XKR6: variants seen among roughly 807,000 people sequenced by gnomAD.
XKR6 encodes XK related 6.
XKR6 carries 22 observed loss-of-function variants against 56.7 expected under a neutral mutation model. The ratio of observed to expected loss-of-function variants is 0.39; its 90% CI spans 0.28 to 0.55. The LOEUF is 0.55. XKR6 is among the 20% of genes least tolerant of loss of function. The pLI is 0.66. For synonymous variants in XKR6, 524 were observed against 387.8 expected, an observed-to-expected ratio of 1.35 and a Z score of -4.13; for missense variants, 852 against 889.0, an observed-to-expected ratio of 0.96 and a Z score of 0.53.
intron 1 of XKR6, among the ~76,000 whole-genome samples, chr8:10,982,757 AC>A (rs1797763414): frequency 6.6e-6 from 1 of 152,174 alleles, no homozygotes; most frequent in Non-Finnish European, 1.5e-5. Context: ...TGTGACCTTA[AC>A]CTGCTGTGGT....
chr8:11,086,139 T>TATATATAC (rs1382949690), intron 1 of XKR6, among the ~76,000 whole-genome samples: 1 of 116,118 alleles, frequency 8.6e-6, no homozygotes, highest in African/African-American at 4.3e-5. Flanking sequence ...AGAAAATATA[T>TATATATAC]ATATATATAT....
At chr8:10,973,491 C>A (rs1802465569) in intron 1 of XKR6, among the ~76,000 whole-genome samples, 1 of 152,316 alleles carries the variant, frequency 6.6e-6, no homozygotes, top group Admixed American at 6.5e-5. Flanking sequence ...CCCTCTGAAA[C>A]CTATTTTATC....
At chr8:11,044,763 C>A (rs1390080144) in intron 1 of XKR6, among the ~76,000 whole-genome samples, 2 of 151,760 alleles carry the variant, frequency 1.3e-5, no homozygotes, top group South Asian at 4.2e-4. Context: ...GGACTACAGG[C>A]GAATGCCACC....
intron 1 of XKR6, among the ~76,000 whole-genome samples, chr8:11,163,850 G>A (rs918091826): frequency 6.6e-6 from 1 of 152,120 alleles, no homozygotes; most frequent in Admixed American, 6.5e-5. Context: ...TAAATGAAGG[G>A]TTGGAACTTA....
chr8:11,167,024 C>A (rs939469663), intron 1 of XKR6, among the ~76,000 whole-genome samples: 10 of 152,018 alleles, frequency 6.6e-5, no homozygotes, highest in African/African-American at 2.4e-4. Context: ...GCGTGTGTGG[C>A]GGTGGTAGAA....
At chr8:10,957,046 G>A (rs1801911006) in intron 1 of XKR6, among the ~76,000 whole-genome samples, 1 of 152,168 alleles carries the variant, frequency 6.6e-6, no homozygotes, top group African/African-American at 2.4e-5. Context: ...TGCCTCCTGG[G>A]TTCAAGCAAT....
At chr8:11,145,650 G>T (rs139434211) in intron 1 of XKR6, among the ~76,000 whole-genome samples, 1 of 152,014 alleles carries the variant, frequency 6.6e-6, no homozygotes, top group African/African-American at 2.4e-5. Context: ...CTGACAAAAG[G>T]TGCACAGGAA....
chr8:11,063,882 C>T (rs765916953), intron 1 of XKR6, among the ~76,000 whole-genome samples: 9 of 152,190 alleles, frequency 5.9e-5, no homozygotes, highest in Non-Finnish European at 1.0e-4. Flanking sequence ...TAACTGATGG[C>T]CCCAGAATGC....
intron 1 of XKR6, among the ~76,000 whole-genome samples, chr8:11,098,328 C>T (rs781315811): frequency 2.6e-5 from 4 of 152,110 alleles, no homozygotes; most frequent in Non-Finnish European, 4.4e-5. Context: ...AGCTGGAGGC[C>T]TGTCAATCCT....
chr8:11,060,600 C>A (rs1002156799), intron 1 of XKR6, among the ~76,000 whole-genome samples: 2 of 152,282 alleles, frequency 1.3e-5, no homozygotes, highest in Middle Eastern at 3.4e-3. Flanking sequence ...GTTACAAAGT[C>A]CTGACAAAGA....
At chr8:10,957,503 T>C (rs1436405441) in intron 1 of XKR6, among the ~76,000 whole-genome samples, 1 of 152,122 alleles carries the variant, frequency 6.6e-6, no homozygotes, top group Non-Finnish European at 1.5e-5. Flanking sequence ...AATGACAAGA[T>C]GCAGTGACTG....
At chr8:10,973,725 C>T (rs541019382) in intron 1 of XKR6, among the ~76,000 whole-genome samples, 20 of 152,270 alleles carry the variant, frequency 1.3e-4, no homozygotes, top group African/African-American at 4.6e-4. Flanking sequence ...GGACTACAGG[C>T]GCATGCCACC....
intron 1 of XKR6, among the ~76,000 whole-genome samples, chr8:11,178,406 C>A (rs1802771221): frequency 6.6e-6 from 1 of 151,752 alleles, no homozygotes; most frequent in Non-Finnish European, 1.5e-5. Flanking sequence ...TATGAAAGAG[C>A]ACCACCTGAA....
intron 1 of XKR6, among the ~76,000 whole-genome samples, chr8:11,055,617 G>C (rs1046366202): frequency 1.3e-5 from 2 of 152,228 alleles, no homozygotes; most frequent in Non-Finnish European, 2.9e-5. Flanking sequence ...CCACGTCCCA[G>C]GACAGCTCTG....
At chr8:10,923,711 C>T (rs942215202) in intron 2 of XKR6, among the ~76,000 whole-genome samples, 2 of 152,200 alleles carry the variant, frequency 1.3e-5, no homozygotes, top group Non-Finnish European at 2.9e-5. Context: ...CGTGGTGACA[C>T]GGAGGGCCTC....
At chr8:11,112,905 A>G (rs1254331587) in intron 1 of XKR6, among the ~76,000 whole-genome samples, 2 of 152,276 alleles carry the variant, frequency 1.3e-5, no homozygotes, top group East Asian at 3.8e-4. Context: ...CACTCTCAAC[A>G]TCTGAGATTA....
At chr8:11,012,887 G>A (rs974277473) in intron 1 of XKR6, among the ~76,000 whole-genome samples, 3 of 152,096 alleles carry the variant, frequency 2.0e-5, no homozygotes, top group Non-Finnish European at 4.4e-5. Context: ...GACACTTTTC[G>A]TCCAATGCCT....
chr8:11,162,432 C>T (rs1801858449), intron 1 of XKR6, among the ~76,000 whole-genome samples: 1 of 152,018 alleles, frequency 6.6e-6, no homozygotes. Flanking sequence ...GTAGAGTAAT[C>T]GTGATCAATT....
chr8:11,197,025 C>T (rs976458992), intron 1 of XKR6, among the ~76,000 whole-genome samples: 8 of 152,160 alleles, frequency 5.3e-5, no homozygotes, highest in African/African-American at 1.2e-4. Flanking sequence ...CAGAAAACAA[C>T]GCTAAAACAG....
Sources: gnomAD v4.1 joint callset for allele counts (sites outside exome capture counted in the v4.1 genomes callset) on GRCh38, gnomAD v4.1.1 for gene constraint, MANE v1.5 for transcripts, NCBI Gene and HGNC (gene_info 2026-07-23, HGNC 2026-07-21) for gene names.